LMX1B: variants seen among roughly 807,000 people sequenced by gnomAD.
LMX1B encodes the protein LIM homeobox transcription factor 1-beta.
LMX1B carries 12 observed loss-of-function variants against 51.4 expected under a neutral mutation model. The ratio of observed to expected loss-of-function variants is 0.23; its 90% CI spans 0.15 to 0.38. The LOEUF (loss-of-function observed/expected upper bound fraction) is 0.38, where lower values mean the gene tolerates loss of function less well. Ranked by LOEUF, LMX1B falls within the 10% of genes least tolerant of loss-of-function variation. The pLI is 1.00. For missense variants in LMX1B, 445 were observed against 571.1 expected, an observed-to-expected ratio of 0.78 and a Z score of 2.25; for synonymous variants, 237 against 235.4, an observed-to-expected ratio of 1.01 and a Z score of -0.06.
intron 2 of LMX1B, among the ~76,000 whole-genome samples, chr9:126,670,705 G>A (rs950836247): frequency 3.3e-5 from 5 of 152,206 alleles, no homozygotes; most frequent in Non-Finnish European, 5.9e-5. Flanking sequence ...GTGGGTGGCA[G>A]TACAGTCAGT....
intron 2 of LMX1B, among the ~76,000 whole-genome samples, chr9:126,685,274 G>T (rs1216610467): frequency 6.6e-6 from 1 of 152,168 alleles, no homozygotes; most frequent in Non-Finnish European, 1.5e-5. Flanking sequence ...GGCAAGAAGG[G>T]ACTTGCTATG....
chr9:126,658,831 A>G lies in LMX1B; in HGVS notation c.327-32005A>G, dbSNP rs985854206. Among the ~76,000 whole-genome samples, 3 of 152,220 alleles carry G rather than the reference A, an allele frequency of 2.0e-5. No homozygotes were observed. Among genetic ancestry groups the G allele is most frequent in the African/African-American group, 7.2e-5 (3 of 41,452 alleles). On this transcript the variant is annotated intron_variant, in intron 2 of 7. Transcript: ENST00000373474. This position sits in a 1 kb window ranked among gnomAD's most constrained non-coding sequence, Gnocchi z 4.0. The stretch of plus-strand genomic sequence containing the variant: ...AGAGACCGGGGGTTCAAATTCAGAA[A>G]GCCCCCTTGCCTGTATCAGGCCTGG...
rs765717663 is a variant in LMX1B, at chr9:126,671,289, G to A, written c.327-19547G>A. Among the ~76,000 whole-genome samples, 1 of 152,274 alleles carries A rather than the reference G, an allele frequency of 6.6e-6. No homozygotes were observed. Among genetic ancestry groups the A allele is most frequent in the Non-Finnish European group, 1.5e-5 (1 of 68,022 alleles). ...TGCTTTAATTTTTTAAAAGCCCCAC[G>A]TAGATGCTTTGCATTGTGAAAACCC... On this transcript the variant is annotated intron_variant, in intron 2 of 7. Transcript: ENST00000373474. The surrounding 1 kb of genome is among the most constrained non-coding windows in gnomAD (Gnocchi z 4.4).
At chr9:126,665,243 C>A (rs1836319994) in intron 2 of LMX1B, among the ~76,000 whole-genome samples, 1 of 152,208 alleles carries the variant, frequency 6.6e-6, no homozygotes, top group African/African-American at 2.4e-5. Flanking sequence ...TCCATCGTAA[C>A]CTGATTTGGG....
rs1157737575 is a variant in LMX1B, at chr9:126,641,129, G to A, written c.326+25560G>A. 1 of 152,374 alleles carries A rather than the reference G, an allele frequency of 6.6e-6. No individual in the cohort carries two copies. The highest frequency in any genetic ancestry group is 1.5e-5 in the Non-Finnish European group (1 of 68,170). The allele number at this position is 152,374 out of a possible 1,614,324, so 9.4% of individuals were successfully genotyped here. A position where few individuals can be genotyped will look rare whatever the true frequency, so the allele number is the denominator to read the frequency against. On this transcript the variant is annotated intron_variant, in intron 2 of 7. Transcript: ENST00000373474. This position sits in a 1 kb window ranked among gnomAD's most constrained non-coding sequence, Gnocchi z 4.1. ...AACCTGGCACGGGGGCATGTGGAAG[G>A]AGCTGTGGGAAACAGCCTTGGGCCT...
Position 126,696,608 on chromosome 9 carries a change from TG to T in LMX1B, c.*160del. 1.3e-6 allele frequency: 1 copy of T among 781,746 alleles called. No individual in the cohort carries two copies. The highest frequency in any genetic ancestry group is 2.1e-6 in the Non-Finnish European group (1 of 477,864). 48.4% of individuals were successfully genotyped at this position (781,746 alleles called of 1,614,324 possible). ...AGCTGGGCCTGACCACTGTGCCCGT[TG>T]GGTACAGCCAGACCGGTAGATGGGC... On this transcript the variant is annotated 3_prime_UTR_variant, in exon 8 of 8. Transcript: ENST00000373474.
chr9:126,615,360 G>A lies in LMX1B; in HGVS notation c.140-23G>A. 1 of 1,531,848 alleles carries A rather than the reference G, an allele frequency of 6.5e-7. No homozygotes were observed. Among genetic ancestry groups the A allele is most frequent in the Non-Finnish European group, 8.7e-7 (1 of 1,143,082 alleles). The allele number at this position is 1,531,848 out of a possible 1,614,324, so 94.9% of individuals were successfully genotyped here. ...CTGGGCCGGGCGGCGCTGACGGCCGGGCTTTCGCCCTGTGCGCTACAGGCT... is the reference window on the plus strand; with the variant it reads ...CTGGGCCGGGCGGCGCTGACGGCCGAGCTTTCGCCCTGTGCGCTACAGGCT... On this transcript the variant is annotated intron_variant, in intron 1 of 7. Transcript: ENST00000373474. The surrounding 1 kb of genome is among the most constrained non-coding windows in gnomAD (Gnocchi z 6.0).
chr9:126,643,806 G>A (rs1012651352), intron 2 of LMX1B, among the ~76,000 whole-genome samples: 3 of 152,156 alleles, frequency 2.0e-5, no homozygotes, highest in Non-Finnish European at 4.4e-5. Flanking sequence ...GAATTAACTC[G>A]AATCAATACT....
chr9:126,699,132 C>T lies in LMX1B; in HGVS notation c.*2681C>T, dbSNP rs1051971512. 1 of 152,272 alleles carries T rather than the reference C, an allele frequency of 6.6e-6. No homozygotes were observed. Among genetic ancestry groups the T allele is most frequent in the South Asian group, 2.1e-4 (1 of 4,830 alleles). 9.4% of individuals were successfully genotyped at this position (152,272 alleles called of 1,614,324 possible). On this transcript the variant is annotated 3_prime_UTR_variant, in exon 8 of 8. Transcript: ENST00000373474. Reference sequence around the variant, plus strand: ...GCCCTATCCCCCAGGAGACCTGGCCCTTCTCTCTCAGACCCAATAAGTTGG... The same window carrying T: ...GCCCTATCCCCCAGGAGACCTGGCCTTTCTCTCTCAGACCCAATAAGTTGG...
intron 2 of LMX1B, among the ~76,000 whole-genome samples, chr9:126,643,119 T>C (rs967067987): frequency 6.6e-6 from 1 of 152,142 alleles, no homozygotes; most frequent in Non-Finnish European, 1.5e-5. Flanking sequence ...CACAGCTTGT[T>C]ATCCCGGGTC....
At chr9:126,666,619 G>A (rs930641642) in intron 2 of LMX1B, among the ~76,000 whole-genome samples, 3 of 152,190 alleles carry the variant, frequency 2.0e-5, no homozygotes, top group African/African-American at 7.2e-5. Context: ...TGTGCTTTAC[G>A]TACGTGCTTT....
chr9:126,638,159 C>T (rs1292639156), intron 2 of LMX1B, among the ~76,000 whole-genome samples: 1 of 152,044 alleles, frequency 6.6e-6, no homozygotes, highest in Non-Finnish European at 1.5e-5. Flanking sequence ...CTGAGGAGCT[C>T]CTGGCCCAGG....
rs1162242097 is a variant in LMX1B, at chr9:126,678,332, A to AT, written c.327-12504_327-12503insT. Reference sequence around the variant, plus strand: ...CTCAAAAAAAAAAAACAAAAAACAAAAAAAAAAAACAAAAAGACTGCGGAG... The same window carrying AT: ...CTCAAAAAAAAAAAACAAAAAACAAATAAAAAAAAACAAAAAGACTGCGGAG... On this transcript the variant is annotated intron_variant, in intron 2 of 7. Coordinates refer to ENST00000373474, the MANE Select transcript of LMX1B (RefSeq NM_001174147.2). Among the ~76,000 whole-genome samples the AT allele has an allele frequency of 2.6e-3, 385 of 145,832 alleles. 4 individuals carry two copies. The highest frequency in any genetic ancestry group is 9.3e-3 in the African/African-American group (345 of 36,942).
At chr9:126,642,120 C>T (rs1835820267) in intron 2 of LMX1B, among the ~76,000 whole-genome samples, 2 of 152,090 alleles carry the variant, frequency 1.3e-5, no homozygotes, top group Non-Finnish European at 2.9e-5. Context: ...TATGTGTGTC[C>T]CTGGCCAGCC....
intron 3 of LMX1B, among the ~76,000 whole-genome samples, chr9:126,692,291 C>A (rs531273650): frequency 6.6e-6 from 1 of 152,152 alleles, no homozygotes; most frequent in Non-Finnish European, 1.5e-5. Context: ...GGAGATCACC[C>A]GCCTCATACT....
chr9:126,678,335 A>AAAAAAAAAAC (rs1836610286), intron 2 of LMX1B, among the ~76,000 whole-genome samples: 3 of 141,318 alleles, frequency 2.1e-5, no homozygotes, highest in South Asian at 2.3e-4. Flanking sequence ...AAAACAAAAA[A>AAAAAAAAAAC]AAAAAACAAA....
In LMX1B at chr9:126,692,525, G is replaced by A. The variant is rs547123238; in HGVS notation, c.560-617G>A. On this transcript the variant is annotated intron_variant, in intron 3 of 7. Transcript: ENST00000373474. ...TGTCCAGATGCATGCATGCCTGTAC[G>A]TTCCTGCCCGTGAGCATGGGCCCAT... Among the ~76,000 whole-genome samples, 8 of 152,342 alleles carry A rather than the reference G, an allele frequency of 5.3e-5. No individual in the cohort carries two copies. The South Asian group carries it at 6.2e-4, about 12-fold the overall frequency.
Position 126,625,912 on chromosome 9 carries a change from T to C in LMX1B, c.326+10343T>C, listed in dbSNP as rs1340827337. 6.6e-6 allele frequency among the ~76,000 whole-genome samples: 1 copy of C among 152,100 alleles called. No homozygotes were observed. Among genetic ancestry groups the C allele is most frequent in the East Asian group, 1.9e-4 (1 of 5,166 alleles). On this transcript the variant is annotated intron_variant, in intron 2 of 7. Transcript: ENST00000373474. This position sits in a 1 kb window ranked among gnomAD's most constrained non-coding sequence, Gnocchi z 5.3. ...AGCCGTGGCGCTCGCCTCGGCGCAG[T>C]GGGGAGCCGCGGGCGTCGGAGAAGC...
At chr9:126,639,491 G>A (rs1377641903) in intron 2 of LMX1B, among the ~76,000 whole-genome samples, 2 of 152,238 alleles carry the variant, frequency 1.3e-5, no homozygotes, top group Admixed American at 6.5e-5. Flanking sequence ...CAGCTGCTAA[G>A]GAGTTAAAAC....
Sources: allele counts gnomAD v4.1 joint callset (sites outside exome capture counted in the v4.1 genomes callset), GRCh38; gene constraint gnomAD v4.1.1; non-coding constraint Gnocchi (gnomAD v3.1); transcripts MANE v1.5; gene names NCBI Gene and HGNC (gene_info 2026-07-23, HGNC 2026-07-21).